The following SOX30 variants were observed in gnomAD, a reference collection of about 807,000 sequenced individuals.
SOX30 encodes the protein SRY-box transcription factor 30.
In SOX30, 17 loss-of-function variants were observed where a neutral mutation model predicts 58.6. The ratio of observed to expected loss-of-function variants is 0.29; its 90% CI spans 0.20 to 0.44. SOX30 has a LOEUF of 0.44. SOX30 is among the 20% of genes least tolerant of loss of function. SOX30 has a pLI of 1.00. For synonymous variants in SOX30, 421 were observed against 400.2 expected (o/e 1.05, Z -0.62); for missense variants, 951 against 965.8 (o/e 0.98, Z 0.20).
rs555046481 is a variant in SOX30, at chr5:157,642,669, T to TAAC, written c.1388-3950_1388-3948dup. Among the ~76,000 whole-genome samples, 184 of 151,650 alleles carry TAAC rather than the reference T, an allele frequency of 1.2e-3. 1 individual carries two copies. Among genetic ancestry groups the TAAC allele is most frequent in the South Asian group, 1.0e-2 (48 of 4,804 alleles). On this transcript the variant is annotated intron_variant, in intron 3 of 4. Coordinates refer to ENST00000265007, the MANE Select transcript of SOX30 (RefSeq NM_178424.2). Reference sequence around the variant, plus strand: ...ATAAATAAATAAAAAATAACAAAAATAACAACAACAACAACAACAAAACCT... The same window carrying TAAC: ...ATAAATAAATAAAAAATAACAAAAATAACAACAACAACAACAACAACAAAACCT...
rs1475901819 is a variant in SOX30, at chr5:157,652,157, A to G, written c.-79T>C. ...CTTCCCCCTCCCCCTTTCGGTTAAG[A>G]GCCTTGCAAGGCCTTTGCTACCCAG... On this transcript the variant is annotated 5_prime_UTR_variant, in exon 1 of 5. Transcript: ENST00000265007. 2.0e-5 allele frequency: 27 copies of G among 1,375,742 alleles called. No individual in the cohort carries two copies. Among genetic ancestry groups the G allele is most frequent in the East Asian group, 1.7e-4 (6 of 34,518 alleles). The allele number at this position is 1,375,742 out of a possible 1,614,324, so 85.2% of individuals were successfully genotyped here. A position where few individuals can be genotyped will look rare whatever the true frequency, so the allele number is the denominator to read the frequency against.
intron 3 of SOX30, among the ~76,000 whole-genome samples, chr5:157,638,941 C>T (rs955788379): frequency 2.6e-5 from 4 of 152,150 alleles, no homozygotes; most frequent in Non-Finnish European, 4.4e-5. Context: ...CTCTCTCTCT[C>T]AACTAGACTC....
intron 4 of SOX30, among the ~76,000 whole-genome samples, chr5:157,637,133 C>CAA (rs1203322529): frequency 0.017 from 1,049 of 61,764 alleles, 32 homozygotes; most frequent in African/African-American, 0.046. Context: ...AACTCCGCCT[C>CAA]AAAAAAAAAA....
chr5:157,638,421 T>C lies in SOX30; in HGVS notation c.1689A>G (p.Gln563=), dbSNP rs533492138. 62 of 1,613,922 alleles carry C rather than the reference T, an allele frequency of 3.8e-5. No homozygotes were observed. Among genetic ancestry groups the C allele is most frequent in the South Asian group, 2.0e-4 (18 of 91,052 alleles). The change falls in exon 4 of 5, where the codon CAA becomes CAG. Residue 563 remains glutamine, a synonymous_variant. Coordinates refer to ENST00000265007, the MANE Select transcript of SOX30 (RefSeq NM_178424.2). ...AHARFATSTI[Q]PPREYSSVSP... Reference sequence around the variant, plus strand: ...AAACGCTGGAATACTCCCTAGGAGGTTGGATGGTCGAAGTTGCAAATCTGG... The same window carrying C: ...AAACGCTGGAATACTCCCTAGGAGGCTGGATGGTCGAAGTTGCAAATCTGG...
At chr5:157,649,767 G>A (rs1759283110) in intron 1 of SOX30, among the ~76,000 whole-genome samples, 1 of 152,156 alleles carries the variant, frequency 6.6e-6, no homozygotes, top group African/African-American at 2.4e-5. Flanking sequence ...TCCAGACTGG[G>A]CAACAGAGTG....
Position 157,632,047 on chromosome 5 carries a change from TAAAAAAAAAAA to T in SOX30, c.1881-5337_1881-5327del, listed in dbSNP as rs570172679. On this transcript the variant is annotated intron_variant, in intron 4 of 4. Transcript: ENST00000265007. ...GACACAGCAAGACCCACCCCGTAAC[TAAAAAAAAAAA>T]AAAAAAAAAAAAAAAAAAGAATTTT... 4.6e-3 allele frequency among the ~76,000 whole-genome samples: 258 copies of T among 56,414 alleles called. 4 individuals are homozygous for T. The highest frequency in any genetic ancestry group is 0.017 in the African/African-American group (214 of 12,780). The allele number at this position is 56,414 out of a possible 152,430, so 37.0% of individuals were successfully genotyped here.
intron 2 of SOX30, among the ~76,000 whole-genome samples, chr5:157,663,303 C>G (rs1759610113): frequency 1.3e-5 from 2 of 152,114 alleles, no homozygotes; most frequent in Non-Finnish European, 2.9e-5. Context: ...TCAACATATG[C>G]AAATCAATAA....
rs1759363978 is a variant in SOX30 at position 157,651,980 on chromosome 5, G to GGCT, written c.96_98dup (p.Ala33dup). The GGCT allele has an allele frequency of 6.9e-7, 1 of 1,451,138 alleles. No homozygotes were observed. Among genetic ancestry groups the GGCT allele is most frequent in the African/African-American group, 1.5e-5 (1 of 68,864 alleles). The allele number at this position is 1,451,138 out of a possible 1,614,324, so 89.9% of individuals were successfully genotyped here. Reference sequence around the variant, plus strand: ...TGGGAGACGACGGAGGGGGCTCCATGGCTGCTGCCCAAAAGGAGGTGCCCT... The same window carrying GGCT: ...TGGGAGACGACGGAGGGGGCTCCATGGCTGCTGCTGCCCAAAAGGAGGTGCCCT... On this transcript the variant is annotated inframe_insertion, in exon 1 of 5. Coordinates refer to ENST00000265007, the MANE Select transcript of SOX30 (RefSeq NM_178424.2).
rs1200521591 is a variant in SOX30, at chr5:157,646,730, T to A, written c.1294A>T (p.Ile432Phe). 1.9e-6 allele frequency: 3 copies of A among 1,613,010 alleles called. No individual in the cohort carries two copies. The East Asian group carries it at 6.7e-5, about 36-fold the overall frequency. ...TAAACTGTTGTAGGATTTGTAGAGA[T>A]GATATTCTGTGTGGTACCAGAAAAT... ...NVFSGTTQNI[I>F]STNPTTVYPY... is the part of the protein sequence containing the mutation. The change falls in exon 3 of 5, where the codon ATC becomes TTC. Residue 432 changes from isoleucine to phenylalanine, a missense_variant. By Grantham distance (21) the Ile-to-Phe change is conservative. Around this residue, in one of 7 missense-constraint regions of SOX30, gnomAD observed 57 missense variants for 104.0 expected, o/e 0.55. Transcript: ENST00000265007.
upstream of SOX30, among the ~76,000 whole-genome samples, chr5:157,653,632 A>T (rs1433061441): frequency 1.3e-5 from 2 of 152,232 alleles, no homozygotes; most frequent in African/African-American, 4.8e-5. Flanking sequence ...GAAAAACAAA[A>T]AGAAATCCTG....
intron 2 of SOX30, among the ~76,000 whole-genome samples, chr5:157,662,275 T>C (rs1759592113): frequency 6.6e-6 from 1 of 152,142 alleles, no homozygotes; most frequent in Non-Finnish European, 1.5e-5. Context: ...TTAACAATTT[T>C]GTAGATCTTT....
intron 4 of SOX30, among the ~76,000 whole-genome samples, chr5:157,631,416 T>G (rs1758804611): frequency 6.6e-6 from 1 of 152,204 alleles, no homozygotes; most frequent in Admixed American, 6.5e-5. Flanking sequence ...GCTTTGCTCT[T>G]GGGTGCAGTT....
chr5:157,664,218 A>ACAGCATGATACTGGTACCAAAC (rs1759626318), intron 2 of SOX30, among the ~76,000 whole-genome samples: 1 of 152,166 alleles, frequency 6.6e-6, no homozygotes, highest in Non-Finnish European at 1.5e-5. Context: ...AGTAACCAAA[A>ACAGCATGATACTGGTACCAAAC]CAGCATGATA....
chr5:157,667,847 C>T, exon 2 of SOX30: 1 of 1,535,586 alleles, frequency 6.5e-7, no homozygotes, highest in Non-Finnish European at 8.7e-7. Context: ...AACATTTCTC[C>T]ATGACCTGGA....
chr5:157,648,895 G>A lies in SOX30; in HGVS notation c.969C>T (p.Gly323=), dbSNP rs184953842. Residue 323 remains glycine (G), a splice_region_variant and synonymous_variant, in exon 2 of 5, where the codon GGC becomes GGT. Transcript: ENST00000265007. ...CCTTACTGAAGGGAGTATCTGGTAT[G>A]CCTACATGACAAAAATTAAAAGGCT... The part of the protein sequence containing the change: ...VPLTVLPSDA[G]IPDTPFSKDR... 7 of 1,593,502 alleles carry A rather than the reference G, an allele frequency of 4.4e-6. No homozygotes were observed. The highest frequency in any genetic ancestry group is 2.3e-5 in the East Asian group (1 of 44,438).
chr5:157,634,295 C>A (rs1758875611), intron 4 of SOX30, among the ~76,000 whole-genome samples: 1 of 152,196 alleles, frequency 6.6e-6, no homozygotes, highest in African/African-American at 2.4e-5. Context: ...CTCACTGCAG[C>A]CTTCACCTCC....
rs1758657515 is a variant in SOX30, at chr5:157,626,480, A to C, written c.2122T>G (p.Leu708Val). The C allele has an allele frequency of 1.2e-6, 2 of 1,614,184 alleles. No homozygotes were observed. The highest frequency in any genetic ancestry group is 1.7e-6 in the Non-Finnish European group (2 of 1,180,044). Residue 708 changes from leucine (L) to valine (V), a missense_variant, in exon 5 of 5, where the codon TTA (leucine) becomes GTA (valine). Physicochemically the swap from Leu to Val is conservative, Grantham distance 32. Coordinates refer to ENST00000265007, the MANE Select transcript of SOX30 (RefSeq NM_178424.2). ...ATGTCCAGCTGAGGCACAGGGTTTA[A>C]GTTTTCTTCCCCACTGTGGCTATGA... ...NSHSHSGEEN[L>V]NPVPQLDIGT... is the part of the protein sequence containing the mutation.
At chr5:157,664,800 C>G (rs1248985608) in intron 2 of SOX30, among the ~76,000 whole-genome samples, 5 of 152,130 alleles carry the variant, frequency 3.3e-5, no homozygotes, top group African/African-American at 1.2e-4. Context: ...TATGAACAGA[C>G]CCTTCTCAAA....
At chr5:157,657,343 T>TTAA (rs1369777123), upstream of SOX30, among the ~76,000 whole-genome samples, 1 of 152,212 alleles carries the variant, frequency 6.6e-6, no homozygotes, top group Admixed American at 6.5e-5. Flanking sequence ...AATTGAGACT[T>TTAA]TAATAGTGGC....
Sources: gnomAD v4.1 joint callset for allele counts (sites outside exome capture counted in the v4.1 genomes callset) on GRCh38, gnomAD v4.1.1 for gene constraint, gnomAD v4.1.1 regional missense constraint, MANE v1.5 for transcripts, NCBI Gene and HGNC (gene_info 2026-07-23, HGNC 2026-07-21) for gene names.